PLEKHA6: variants seen among roughly 807,000 people sequenced by gnomAD.
PLEKHA6 encodes the protein pleckstrin homology domain containing A6, also known as pleckstrin homology domain-containing family A member 6.
PLEKHA6 carries 60 observed loss-of-function variants against 116.7 expected under a neutral mutation model. The ratio of observed to expected loss-of-function variants is 0.51; its 90% CI spans 0.42 to 0.64. The LOEUF is 0.64. PLEKHA6 is among the 30% of genes least tolerant of loss of function. The probability of loss-of-function intolerance (pLI) is 0.00; values close to 1 mark genes in which losing one functional copy is unlikely to be tolerated. For missense variants in PLEKHA6, 1,338 were observed against 1,422.7 expected (o/e 0.94, Z 0.96); for synonymous variants, 489 against 556.1 (o/e 0.88, Z 1.70).
rs75231842 is a variant in PLEKHA6, at chr1:204,228,579, C to A, written c.2885+149G>T. On this transcript the variant is annotated intron_variant, in intron 20 of 22. Transcript: ENST00000272203. The surrounding 1 kb of genome is among the most constrained non-coding windows in gnomAD (Gnocchi z 4.0). ...CTGACAGCAGCATCCTTGCCTCTGC[C>A]GGTAGCTGGGCCCTGTCTGCTGCCT... 9,037 of 707,626 alleles carry A rather than the reference C, an allele frequency of 0.013. 83 individuals are homozygous for A. Among genetic ancestry groups the A allele is most frequent in the Non-Finnish European group, 0.016 (6,515 of 411,548 alleles). 43.8% of individuals were successfully genotyped at this position (707,626 alleles called of 1,614,324 possible). A position where few individuals can be genotyped will look rare whatever the true frequency, so the allele number is the denominator to read the frequency against.
chr1:204,270,018 T>A (rs1342226129), intron 3 of PLEKHA6, among the ~76,000 whole-genome samples: 1 of 152,148 alleles, frequency 6.6e-6, no homozygotes, highest in Non-Finnish European at 1.5e-5. Context: ...CTCAACTTTC[T>A]CTCCCTCCAA....
In PLEKHA6 at chr1:204,223,089, TCTG is replaced by T. The variant is rs1367672157; in HGVS notation, c.*9-313_*9-311del. On this transcript the variant is annotated intron_variant, in intron 22 of 22. Coordinates refer to ENST00000272203, the MANE Select transcript of PLEKHA6 (RefSeq NM_014935.5). The surrounding 1 kb of genome is among the most constrained non-coding windows in gnomAD (Gnocchi z 4.8). ...TCTGAGGGCTTCTGAAGGTTCTGCA[TCTG>T]TGTATCTCAACAGATGGAAAGCTTG... Among the ~76,000 whole-genome samples, 1 of 152,180 alleles carries T rather than the reference TCTG, an allele frequency of 6.6e-6. No homozygotes were observed. The highest frequency in any genetic ancestry group is 1.5e-5 in the Non-Finnish European group (1 of 68,034).
At chr1:204,256,935 G>T (rs148876126) in intron 9 of PLEKHA6, 6 of 590,972 alleles carry the variant, frequency 1.0e-5, no homozygotes, top group Non-Finnish European at 1.8e-5. Context: ...GCTGGGACAC[G>T]GAGTTCCCCA....
At chr1:204,258,989 C>T (rs778699015) in intron 8 of PLEKHA6, among the ~76,000 whole-genome samples, 4 of 152,260 alleles carry the variant, frequency 2.6e-5, no homozygotes, top group Middle Eastern at 6.8e-3. Flanking sequence ...CCCAGCACGC[C>T]GTGGAGAGGC....
rs538299858 is a variant in PLEKHA6, at chr1:204,293,751, A to G, written c.-94-18942T>C. On this transcript the variant is annotated intron_variant, in intron 1 of 22. Coordinates refer to ENST00000272203, the MANE Select transcript of PLEKHA6 (RefSeq NM_014935.5). The stretch of plus-strand genomic sequence containing the variant: ...TGTAAGACATTTTGTACCTAAGGGG[A>G]GTGTATTAATCGCCTTACTCTAGTC... Among the ~76,000 whole-genome samples the G allele has an allele frequency of 3.9e-5, 6 of 152,168 alleles. No homozygotes were observed. In the South Asian group the frequency reaches 8.3e-4, roughly 21 times the overall value.
intron 5 of PLEKHA6, among the ~76,000 whole-genome samples, chr1:204,266,913 G>A (rs1188222789): frequency 6.6e-6 from 1 of 152,196 alleles, no homozygotes; most frequent in South Asian, 2.1e-4. Flanking sequence ...AGAGAGTAGG[G>A]AGAGGGTGTT....
chr1:204,365,497 G>A (rs751259437), intron 3 of PLEKHA6, among the ~76,000 whole-genome samples: 1 of 152,112 alleles, frequency 6.6e-6, no homozygotes, highest in African/African-American at 2.4e-5. Flanking sequence ...AAAGGTTGAG[G>A]GTATCTCCGA....
In PLEKHA6 at chr1:204,357,163, C is replaced by A. The variant is rs1673436951; in HGVS notation, c.-95+2531G>T. ...CCAGAGGGTGGAACTTAGAAGTCGG[C>A]AGATTTTGATTCAACATAGAAGAAT... On this transcript the variant is annotated intron_variant, in intron 1 of 22. Transcript: ENST00000272203. Among the ~76,000 whole-genome samples the A allele has an allele frequency of 5.3e-5, 8 of 152,184 alleles. No homozygotes were observed. The South Asian group carries it at 1.7e-3, about 31-fold the overall frequency.
chr1:204,265,101 G>A lies in PLEKHA6; in HGVS notation c.281-59C>T, dbSNP rs558905849. ...TGTGTGTGTGCAAGCGTGTGCGTGC[G>A]CCAGGGGTGGGGAGGAGTGTGTTGT... On this transcript the variant is annotated intron_variant, in intron 5 of 22. Coordinates refer to ENST00000272203, the MANE Select transcript of PLEKHA6 (RefSeq NM_014935.5). 1.7e-4 allele frequency: 194 copies of A among 1,126,384 alleles called. 1 individual carries two copies. Among genetic ancestry groups the A allele is most frequent in the South Asian group, 1.5e-3 (119 of 80,968 alleles). 69.8% of individuals were successfully genotyped at this position (1,126,384 alleles called of 1,614,324 possible).
chr1:204,339,837 A>G (rs1399960205), intron 1 of PLEKHA6, among the ~76,000 whole-genome samples: 2 of 152,236 alleles, frequency 1.3e-5, no homozygotes, highest in African/African-American at 4.8e-5. Flanking sequence ...AAATAATATT[A>G]AACAAAAAAG....
chr1:204,323,246 T>G (rs943106857), intron 1 of PLEKHA6, among the ~76,000 whole-genome samples: 10 of 152,232 alleles, frequency 6.6e-5, no homozygotes, highest in Non-Finnish European at 1.5e-4. Flanking sequence ...GATGGGGCAC[T>G]CTCCCAAGGA....
chr1:204,313,540 A>T (rs1288049916), intron 1 of PLEKHA6: 3 of 983,074 alleles, frequency 3.1e-6, no homozygotes, highest in Non-Finnish European at 3.6e-6. Context: ...CTATTGAAGA[A>T]AGAAGCTGAC....
rs748433869 is a variant in PLEKHA6 at position 204,268,299 on chromosome 1, G to A, written c.116C>T (p.Ala39Val). 4.4e-6 allele frequency: 7 copies of A among 1,608,150 alleles called. No individual in the cohort carries two copies. The highest frequency in any genetic ancestry group is 5.9e-6 in the Non-Finnish European group (7 of 1,177,190). The change falls in exon 4 of 23, where the codon GCC becomes GTC. Residue 39 changes from alanine (A) to valine (V), a missense_variant. By Grantham distance (64) the Ala-to-Val change is moderately conservative. Transcript: ENST00000272203. ...CTTGCCAAAGGCGACGGCTTTGCGGGCTGTGCGAGTTGCCTGGGGGCAGAG... is the reference window on the plus strand; with the variant it reads ...CTTGCCAAAGGCGACGGCTTTGCGGACTGTGCGAGTTGCCTGGGGGCAGAG... ...ERPSVRATRT[A>V]RKAVAFGKRS...
chr1:204,267,695 G>C, intron 4 of PLEKHA6, 148 bp from the exon 5 acceptor site: 1 of 670,214 alleles, frequency 1.5e-6, no homozygotes, highest in South Asian at 1.7e-5. Context: ...GCAACCCCTG[G>C]AGACCTCAGA....
intron 6 of PLEKHA6, chr1:204,262,136 A>G (rs1475238549): frequency 2.0e-5 from 3 of 152,292 alleles, no homozygotes; most frequent in East Asian, 3.9e-4. Flanking sequence ...GGGAAGGGGG[A>G]ATATTCAGAT....
At chr1:204,323,644 T>C (rs1459927384) in intron 1 of PLEKHA6, among the ~76,000 whole-genome samples, 1 of 152,258 alleles carries the variant, frequency 6.6e-6, no homozygotes, top group African/African-American at 2.4e-5. Context: ...CTTGTATTCC[T>C]GGTGCATAAT....
chr1:204,257,508 G>A lies in PLEKHA6; in HGVS notation c.1369C>T (p.Pro457Ser), dbSNP rs1665490275. ...TAGGAGCCCTGGCTGGGTGAGCGGG[G>A]CACAGAGTGGGAGCGGGGCTGCAGG... ...LSLQPRSHSV[P>S]RSPSQGSYSR... The change falls in exon 9 of 23, where the codon CCC becomes TCC. Residue 457 changes from proline to serine, a missense_variant. Transcript: ENST00000272203. This position sits in a 1 kb window ranked among gnomAD's most constrained non-coding sequence, Gnocchi z 6.5. 2.5e-6 allele frequency: 4 copies of A among 1,587,480 alleles called. No homozygotes were observed. The highest frequency in any genetic ancestry group is 2.3e-5 in the South Asian group (2 of 87,712).
chr1:204,341,030 C>T (rs952384296), intron 1 of PLEKHA6, among the ~76,000 whole-genome samples: 4 of 152,196 alleles, frequency 2.6e-5, no homozygotes, highest in Admixed American at 2.0e-4. Context: ...CTTTATAGTC[C>T]TGTACAGCAC....
intron 3 of PLEKHA6, among the ~76,000 whole-genome samples, chr1:204,270,876 G>A (rs1023443834): frequency 1.1e-4 from 17 of 152,198 alleles, no homozygotes; most frequent in Admixed American, 2.0e-4. Flanking sequence ...CCATCCTCCC[G>A]TGCCTTTCGC....
Sources: gnomAD v4.1 joint callset for allele counts (sites outside exome capture counted in the v4.1 genomes callset) on GRCh38, gnomAD v4.1.1 for gene constraint, Gnocchi (gnomAD v3.1) non-coding constraint, MANE v1.5 for transcripts, NCBI Gene and HGNC (gene_info 2026-07-23, HGNC 2026-07-21) for gene names.